PCLO: variants seen among roughly 807,000 people sequenced by gnomAD.
PCLO encodes protein piccolo.
A neutral mutation model predicts 427.5 loss-of-function variants in PCLO; 82 were observed. The observed-to-expected ratio is 0.19, with a 90% confidence interval of 0.16 to 0.23. PCLO has a LOEUF of 0.23. Among genes scored for constraint, PCLO ranks in the 10% least tolerant of loss-of-function variants. PCLO has a pLI of 1.00. For missense variants in PCLO, 6,239 were observed against 6,115.9 expected (o/e 1.02, Z -0.67); for synonymous variants, 2,357 against 2,155.4 (o/e 1.09, Z -2.59).
intron 3 of PCLO, among the ~76,000 whole-genome samples, chr7:83,126,659 G>A (rs1281286263): frequency 6.6e-6 from 1 of 151,872 alleles, no homozygotes; most frequent in African/African-American, 2.4e-5. Context: ...TTTCCAGATA[G>A]ATAAATTGAT....
intron 3 of PCLO, among the ~76,000 whole-genome samples, chr7:83,099,392 T>TG (rs1491218551): frequency 8.4e-5 from 3 of 35,572 alleles, no homozygotes; most frequent in East Asian, 4.7e-3. Flanking sequence ...GATTTTTTTG[T>TG]TTTTTTTTTT....
intron 3 of PCLO, among the ~76,000 whole-genome samples, chr7:83,093,623 G>C (rs754119232): frequency 2.0e-5 from 3 of 147,970 alleles, no homozygotes; most frequent in Non-Finnish European, 4.5e-5. Flanking sequence ...CTCCCGAGTA[G>C]CTGGGACTAC....
intron 3 of PCLO, among the ~76,000 whole-genome samples, chr7:83,105,872 T>C (rs967351533): frequency 2.6e-5 from 4 of 152,224 alleles, no homozygotes; most frequent in African/African-American, 9.6e-5. Context: ...TCTCAATTTA[T>C]TTCAAAGCTA....
intron 3 of PCLO, among the ~76,000 whole-genome samples, chr7:83,049,438 G>T (rs926616143): frequency 3.9e-5 from 6 of 152,104 alleles, no homozygotes; most frequent in Admixed American, 2.0e-4. Flanking sequence ...AGCAAACCGA[G>T]AGGATGGCAG....
chr7:82,858,339 T>A (rs1464020956), intron 10 of PCLO, among the ~76,000 whole-genome samples: 1 of 152,180 alleles, frequency 6.6e-6, no homozygotes, highest in Non-Finnish European at 1.5e-5. Flanking sequence ...AGTCCATGTA[T>A]GACAAATCTG....
At chr7:83,087,074 G>C (rs1036349610) in intron 3 of PCLO, among the ~76,000 whole-genome samples, 47 of 130,352 alleles carry the variant, frequency 3.6e-4, no homozygotes, top group Admixed American at 1.3e-3. Flanking sequence ...GTCATAGGGT[G>C]GGGGGAAGGG....
chr7:82,813,234 T>A (rs1386371771), intron 20 of PCLO, among the ~76,000 whole-genome samples: 2 of 151,754 alleles, frequency 1.3e-5, no homozygotes, highest in Non-Finnish European at 1.5e-5. Flanking sequence ...TCTGGTCTCA[T>A]GAGACCTAAC....
chr7:82,971,604 GA>G (rs1435230114), intron 3 of PCLO, among the ~76,000 whole-genome samples: 1 of 146,996 alleles, frequency 6.8e-6, no homozygotes, highest in African/African-American at 2.5e-5. Context: ...TATATGATAT[GA>G]TATATGATAT....
Position 82,953,613 on chromosome 7 carries a change from G to C in PCLO, c.7340C>G (p.Ser2447Cys). 1 of 1,610,592 alleles carries C rather than the reference G, an allele frequency of 6.2e-7. No homozygotes were observed. The highest frequency in any genetic ancestry group is 1.1e-5 in the South Asian group (1 of 90,862). ...CAGAGGTGTAGCTGTAGTCACTGGA[G>C]ATGCAACTGTTAACTTTTTTTTAGG... ...ILPKKKLTVA[S>C]PVTTATPLFD... The change falls in exon 5 of 25, where the codon TCT (serine) becomes TGT (cysteine). Residue 2447 changes from serine (S) to cysteine (C), a missense_variant. By Grantham distance (112) the Ser-to-Cys change is moderately radical (BLOSUM62 -1). This residue lies in a region of PCLO where 4,677 missense variants were observed against 4,468.4 expected (regional missense o/e 1.05). Coordinates refer to ENST00000333891, the MANE Select transcript of PCLO (RefSeq NM_033026.6).
intron 3 of PCLO, among the ~76,000 whole-genome samples, chr7:83,110,237 G>A (rs1333983246): frequency 1.3e-5 from 2 of 151,700 alleles, no homozygotes; most frequent in Non-Finnish European, 2.9e-5. Context: ...TTCATCTACA[G>A]AATAATTTGT....
chr7:83,011,346 TTA>T (rs1222161983), intron 3 of PCLO, among the ~76,000 whole-genome samples: 1 of 152,076 alleles, frequency 6.6e-6, no homozygotes, highest in Non-Finnish European at 1.5e-5. Flanking sequence ...TTTAAACATT[TTA>T]TGTGATTACT....
At chr7:82,775,409 A>C (rs569836347) in intron 22 of PCLO, among the ~76,000 whole-genome samples, 1 of 152,286 alleles carries the variant, frequency 6.6e-6, no homozygotes, top group East Asian at 1.9e-4. Flanking sequence ...TGGTGGTGCC[A>C]GTGTTCTGGA....
chr7:82,956,324 C>G lies in PCLO; in HGVS notation c.4629G>C (p.Gln1543His), dbSNP rs374315381. 1.2e-6 allele frequency: 2 copies of G among 1,613,084 alleles called. No homozygotes were observed. The highest frequency in any genetic ancestry group is 1.7e-6 in the Non-Finnish European group (2 of 1,179,868). The stretch of plus-strand genomic sequence containing the variant: ...CTTCCCCTGATCCTTGGCTGTCTTC[C>G]TGTTTATACTCATCACTGCTTGATG... ...VGSSSSDEYK[Q>H]EDSQGSGEEE... is the part of the protein sequence containing the mutation. The change falls in exon 5 of 25, where the codon CAG becomes CAC. Residue 1543 changes from glutamine to histidine, a missense_variant. Coordinates refer to ENST00000333891, the MANE Select transcript of PCLO (RefSeq NM_033026.6).
chr7:82,793,466 T>C (rs970823403), intron 22 of PCLO, among the ~76,000 whole-genome samples: 2 of 152,120 alleles, frequency 1.3e-5, no homozygotes, highest in African/African-American at 2.4e-5. Context: ...GGTCACAGTG[T>C]ATACCAGTTC....
At chr7:83,109,375 T>C (rs1228138132) in intron 3 of PCLO, among the ~76,000 whole-genome samples, 4 of 152,152 alleles carry the variant, frequency 2.6e-5, no homozygotes, top group Non-Finnish European at 5.9e-5. Context: ...AAGTGATATG[T>C]TCCCCACTCT....
At position 83,158,650 on chromosome 7, in the gene PCLO, T is replaced by A. The variant is rs144663329; in HGVS notation, c.249-2258A>T. Among the ~76,000 whole-genome samples the A allele has an allele frequency of 4.2e-4, 64 of 152,150 alleles. 1 individual carries two copies. The highest frequency in any genetic ancestry group is 1.5e-3 in the African/African-American group (62 of 41,566). Reference sequence around the variant, plus strand: ...GTAAAACAACAAAAAATAAACTTCATGAATGTCAAATATTTGTGATAATCA... The same window carrying A: ...GTAAAACAACAAAAAATAAACTTCAAGAATGTCAAATATTTGTGATAATCA... On this transcript the variant is annotated intron_variant, in intron 1 of 24. Transcript: ENST00000333891.
intron 3 of PCLO, among the ~76,000 whole-genome samples, chr7:83,047,878 C>T (rs1444454084): frequency 6.6e-6 from 1 of 151,880 alleles, no homozygotes; most frequent in African/African-American, 2.4e-5. Context: ...ATCCATCTAC[C>T]TCTCACACAC....
chr7:82,797,685 A>C (rs971706352), intron 22 of PCLO, among the ~76,000 whole-genome samples: 4 of 152,146 alleles, frequency 2.6e-5, no homozygotes, highest in South Asian at 4.1e-4. Flanking sequence ...ATATGCACTT[A>C]ATTAAATTGT....
intron 7 of PCLO, among the ~76,000 whole-genome samples, chr7:82,912,428 T>C (rs1455870115): frequency 7.2e-5 from 11 of 151,942 alleles, no homozygotes; most frequent in Admixed American, 7.2e-4. Context: ...ATACATCATT[T>C]AGAAGTAATC....
Sources: gnomAD v4.1 joint callset for allele counts (sites outside exome capture counted in the v4.1 genomes callset) on GRCh38, gnomAD v4.1.1 for gene constraint, gnomAD v4.1.1 regional missense constraint, MANE v1.5 for transcripts, NCBI Gene and HGNC (gene_info 2026-07-23, HGNC 2026-07-21) for gene names.